PTGIS: variants seen among roughly 807,000 people sequenced by gnomAD.
PTGIS encodes prostaglandin I2 synthase.
PTGIS carries 45 observed loss-of-function variants against 50.3 expected under a neutral mutation model. That is an observed-to-expected ratio of 0.90 (90% CI 0.70 to 1.15). The LOEUF is 1.15. Ranked by LOEUF, PTGIS falls within the 50% of genes most tolerant of loss-of-function variation. The pLI is 0.00. For missense variants in PTGIS, 668 were observed against 661.3 expected (o/e 1.01, Z -0.11); for synonymous variants, 260 against 267.7 (o/e 0.97, Z 0.28).
chr20:49,535,254 C>T (rs962681389), intron 5 of PTGIS, among the ~76,000 whole-genome samples: 5 of 152,046 alleles, frequency 3.3e-5, no homozygotes, highest in African/African-American at 9.7e-5. Flanking sequence ...TTTAGGTAGG[C>T]GGATGAATTG....
intron 6 of PTGIS, among the ~76,000 whole-genome samples, chr20:49,515,152 T>C (rs1055712874): frequency 6.6e-6 from 1 of 152,256 alleles, no homozygotes; most frequent in Non-Finnish European, 1.5e-5. Flanking sequence ...TCATTCTTGA[T>C]GTAGTTTGGG....
rs900178241 is a variant in PTGIS, at chr20:49,540,172, G to A, written c.522-451C>T. On this transcript the variant is annotated intron_variant, in intron 4 of 9. Transcript: ENST00000244043. This position sits in a 1 kb window ranked among gnomAD's most constrained non-coding sequence, Gnocchi z 4.8. The stretch of plus-strand genomic sequence containing the variant: ...GATGTCCTGGGGCAGGAGGGAGCCC[G>A]GTGCTGGGGAGCAGCAAGGAGGCTG... Among the ~76,000 whole-genome samples the A allele has an allele frequency of 6.6e-6, 1 of 152,224 alleles. No individual in the cohort carries two copies. Among genetic ancestry groups the A allele is most frequent in the Admixed American group, 6.5e-5 (1 of 15,290 alleles).
chr20:49,568,134 T>TGGCGGGGCTGGCGGGGCC lies in PTGIS; in HGVS notation c.-19_-18insGGCCCCGCCAGCCCCGCC. 1 of 1,185,536 alleles carries TGGCGGGGCTGGCGGGGCC rather than the reference T, an allele frequency of 8.4e-7. No individual in the cohort carries two copies. The highest frequency in any genetic ancestry group is 1.1e-6 in the Non-Finnish European group (1 of 921,144). The allele number at this position is 1,185,536 out of a possible 1,614,324, so 73.4% of individuals were successfully genotyped here. ...CAAGCCATCGCGGGGCTGGCGGGGC[T>TGGCGGGGCTGGCGGGGCC]GGCGGGGCTGGCGGGGCTGGCGGCC... is the stretch of plus-strand genomic sequence containing the variant. On this transcript the variant is annotated 5_prime_UTR_variant, in exon 1 of 10. Coordinates refer to ENST00000244043, the MANE Select transcript of PTGIS (RefSeq NM_000961.4).
At chr20:49,509,669 T>G (rs1182622208) in intron 9 of PTGIS, among the ~76,000 whole-genome samples, 3 of 152,136 alleles carry the variant, frequency 2.0e-5, no homozygotes, top group African/African-American at 7.2e-5. Flanking sequence ...AATATACACA[T>G]GCACACAACT....
chr20:49,525,238 A>G (rs1321061908), intron 5 of PTGIS, among the ~76,000 whole-genome samples: 1 of 152,156 alleles, frequency 6.6e-6, no homozygotes, highest in Non-Finnish European at 1.5e-5. Context: ...AGAGGGAAAC[A>G]CCCCAGCATG....
intron 3 of PTGIS, among the ~76,000 whole-genome samples, chr20:49,544,678 G>A (rs2122883488): frequency 6.6e-6 from 1 of 152,266 alleles, no homozygotes; most frequent in South Asian, 2.1e-4. Context: ...ACAAACCTGG[G>A]AATAAGAGTT....
chr20:49,536,977 C>T (rs572266362), intron 5 of PTGIS, among the ~76,000 whole-genome samples: 9 of 152,272 alleles, frequency 5.9e-5, no homozygotes, highest in Non-Finnish European at 1.0e-4. Flanking sequence ...ACGGTCCCTC[C>T]AGAGAAAGGA....
At position 49,505,892 on chromosome 20, in the gene PTGIS, G is replaced by T. The variant is rs1981140044; in HGVS notation, c.*2028C>A. ...GGCCCAGGGAAGCCCCCAAACCCCA[G>T]TGCTGCTCTGAGAAGAGACTAGCCT... On this transcript the variant is annotated 3_prime_UTR_variant, in exon 10 of 10. Coordinates refer to ENST00000244043, the MANE Select transcript of PTGIS (RefSeq NM_000961.4). The T allele has an allele frequency of 6.5e-6, 1 of 152,684 alleles. No homozygotes were observed. The highest frequency in any genetic ancestry group is 1.5e-5 in the Non-Finnish European group (1 of 68,094). 9.5% of individuals were successfully genotyped at this position (152,684 alleles called of 1,614,324 possible). A position where few individuals can be genotyped will look rare whatever the true frequency, so the allele number is the denominator to read the frequency against.
intron 1 of PTGIS, among the ~76,000 whole-genome samples, chr20:49,564,856 G>T (rs980176431): frequency 6.6e-6 from 1 of 152,090 alleles, no homozygotes; most frequent in South Asian, 2.1e-4. Flanking sequence ...TTACCTCAAG[G>T]CTTGGTCAGG....
intron 1 of PTGIS, among the ~76,000 whole-genome samples, chr20:49,553,914 TAA>T (rs993260930): frequency 2.2e-4 from 33 of 152,254 alleles, no homozygotes; most frequent in African/African-American, 7.7e-4. Flanking sequence ...ATAAGGTTTA[TAA>T]AAAGAGAATT....
chr20:49,541,671 C>T (rs1314103423), intron 4 of PTGIS, among the ~76,000 whole-genome samples: 1 of 152,106 alleles, frequency 6.6e-6, no homozygotes, highest in Non-Finnish European at 1.5e-5. Context: ...GCGGAGGTTG[C>T]AGCGAGCAGA....
chr20:49,568,055 C>A lies in PTGIS; in HGVS notation c.62G>T (p.Arg21Leu). ...GCAGGACACTCACCGCGTGCGGCGG[C>A]GGCTCAGTAGCAGCAGCAGCAACAG... Reference protein sequence around the residue: ...AALLLLLLLSRRRTRRPGEPP... With the variant: ...AALLLLLLLSLRRTRRPGEPP... The change falls in exon 1 of 10, where the codon CGC (arginine) becomes CTC (leucine). Residue 21 changes from arginine (R) to leucine (L), a missense_variant. Arg to Leu is a moderately radical substitution (Grantham distance 102, BLOSUM62 -2). Transcript: ENST00000244043. 6.8e-7 allele frequency: 1 copy of A among 1,476,872 alleles called. No homozygotes were observed. 91.5% of individuals were successfully genotyped at this position (1,476,872 alleles called of 1,614,324 possible). A position where few individuals can be genotyped will look rare whatever the true frequency, so the allele number is the denominator to read the frequency against.
In PTGIS at chr20:49,507,004, T is replaced by C. The variant is rs372104454; in HGVS notation, c.*916A>G. The stretch of plus-strand genomic sequence containing the variant: ...CATTTTGAATGAACTCTCCCAAAGA[T>C]GATAACAACTAAGGCATTTTTTTAA... On this transcript the variant is annotated 3_prime_UTR_variant, in exon 10 of 10. Transcript: ENST00000244043. The C allele has an allele frequency of 1.3e-5, 2 of 152,208 alleles. No homozygotes were observed. The highest frequency in any genetic ancestry group is 1.9e-4 in the East Asian group (1 of 5,194). The allele number at this position is 152,208 out of a possible 1,614,324, so 9.4% of individuals were successfully genotyped here. A position where few individuals can be genotyped will look rare whatever the true frequency, so the allele number is the denominator to read the frequency against.
chr20:49,551,806 T>TTGTGTGTGTGTGTGTG (rs58517059), intron 1 of PTGIS, among the ~76,000 whole-genome samples: 3 of 142,578 alleles, frequency 2.1e-5, no homozygotes, highest in South Asian at 2.3e-4. Context: ...GTGTATGTGT[T>TTGTGTGTGTGTGTGTG]TGTGTGTGTG....
chr20:49,552,519 C>G (rs1982536508), intron 1 of PTGIS, among the ~76,000 whole-genome samples: 1 of 149,592 alleles, frequency 6.7e-6, no homozygotes. Flanking sequence ...CTCTTTCTTT[C>G]TCTCTCTCTC....
chr20:49,529,867 T>G (rs1981889474), intron 5 of PTGIS, among the ~76,000 whole-genome samples: 1 of 152,108 alleles, frequency 6.6e-6, no homozygotes, highest in African/African-American at 2.4e-5. Context: ...AAATTAAACT[T>G]TATCAGGCCA....
chr20:49,540,761 G>A lies in PTGIS; in HGVS notation c.522-1040C>T, dbSNP rs1432375522. Among the ~76,000 whole-genome samples, 2 of 152,128 alleles carry A rather than the reference G, an allele frequency of 1.3e-5. No individual in the cohort carries two copies. The highest frequency in any genetic ancestry group is 4.8e-5 in the African/African-American group (2 of 41,412). ...CCCAGGAGTCCAGCCCCAGCCCAGC[G>A]GGCTGACCTCAGTCCTGGGAGGGAA... On this transcript the variant is annotated intron_variant, in intron 4 of 9. Transcript: ENST00000244043. This position sits in a 1 kb window ranked among gnomAD's most constrained non-coding sequence, Gnocchi z 4.8.
intron 4 of PTGIS, among the ~76,000 whole-genome samples, chr20:49,543,216 C>T (rs553808192): frequency 1.3e-5 from 2 of 152,182 alleles, no homozygotes; most frequent in South Asian, 2.1e-4. Context: ...TCAAATCTTC[C>T]GGCAGAGCCA....
At chr20:49,564,315 A>C (rs1982843860) in intron 1 of PTGIS, among the ~76,000 whole-genome samples, 1 of 151,788 alleles carries the variant, frequency 6.6e-6, no homozygotes, top group African/African-American at 2.4e-5. Context: ...GCAATGGCGC[A>C]AGCTCCGCTC....
Sources: gnomAD v4.1 joint callset for allele counts (sites outside exome capture counted in the v4.1 genomes callset) on GRCh38, gnomAD v4.1.1 for gene constraint, Gnocchi (gnomAD v3.1) non-coding constraint, MANE v1.5 for transcripts, NCBI Gene and HGNC (gene_info 2026-07-23, HGNC 2026-07-21) for gene names.